Variants in AGBL3 observed in about 807,000 individuals in gnomAD.
The protein encoded by AGBL3 is cytosolic carboxypeptidase 3.
In AGBL3, 68 loss-of-function variants were observed where a neutral mutation model predicts 94.5. The ratio of observed to expected loss-of-function variants is 0.72; its 90% CI spans 0.59 to 0.88. AGBL3 has a LOEUF of 0.88. AGBL3 is among the 40% of genes least tolerant of loss of function. The pLI is 0.00. For synonymous variants in AGBL3, 354 were observed against 370.7 expected (o/e 0.95, Z 0.52); for missense variants, 934 against 1,103.8 (o/e 0.85, Z 2.18).
intron 16 of AGBL3, among the ~76,000 whole-genome samples, chr7:135,117,172 A>G (rs1193916071): frequency 1.3e-5 from 2 of 152,246 alleles, no homozygotes; most frequent in African/African-American, 2.4e-5. Flanking sequence ...TTTGATTTGC[A>G]TAATCTTTCT....
chr7:135,120,973 G>A (rs1204120938), intron 16 of AGBL3, among the ~76,000 whole-genome samples: 1 of 152,204 alleles, frequency 6.6e-6, no homozygotes, highest in Non-Finnish European at 1.5e-5. Flanking sequence ...GGAGGCCGAG[G>A]CAGGTGGATT....
At chr7:135,050,629 T>C (rs1817787588) in intron 11 of AGBL3, among the ~76,000 whole-genome samples, 1 of 152,046 alleles carries the variant, frequency 6.6e-6, no homozygotes, top group Admixed American at 6.6e-5. Flanking sequence ...TGTTATATCT[T>C]CCTAGTGGAT....
intron 15 of AGBL3, chr7:135,093,479 A>T (rs1822175687): frequency 6.6e-6 from 1 of 152,224 alleles, no homozygotes; most frequent in South Asian, 2.1e-4. Flanking sequence ...ACATTTAAAA[A>T]ATGAAATTAA....
chr7:135,122,186 C>G (rs1254462271), intron 16 of AGBL3, among the ~76,000 whole-genome samples: 1 of 152,234 alleles, frequency 6.6e-6, no homozygotes, highest in African/African-American at 2.4e-5. Context: ...CCAGGCTGTG[C>G]TTTTCCTCTG....
intron 4 of AGBL3, among the ~76,000 whole-genome samples, chr7:135,008,189 A>T (rs1311494253): frequency 6.6e-6 from 1 of 152,038 alleles, no homozygotes; most frequent in Non-Finnish European, 1.5e-5. Context: ...AAAAAGAAAA[A>T]AAAACTTAAG....
Position 134,996,918 on chromosome 7 carries a change from A to G in AGBL3, c.310+3240A>G, listed in dbSNP as rs75872895. Among the ~76,000 whole-genome samples, 127 of 152,272 alleles carry G rather than the reference A, an allele frequency of 8.3e-4. 4 individuals carry two copies. The South Asian group carries it at 0.012, about 15-fold the overall frequency. On this transcript the variant is annotated intron_variant, in intron 4 of 16. Transcript: ENST00000436302. ...TCATATTCAATAATTTGCTACAAAG[A>G]CTTGCAGAATTCAGAGAAGCCATTA...
chr7:135,017,513 A>C (rs1241696285), intron 5 of AGBL3, among the ~76,000 whole-genome samples: 2 of 152,208 alleles, frequency 1.3e-5, no homozygotes, highest in African/African-American at 4.8e-5. Flanking sequence ...GCATTCGTTC[A>C]GATGTTTTTC....
chr7:135,008,618 G>GAA (rs34573898), intron 4 of AGBL3, among the ~76,000 whole-genome samples: 11 of 143,908 alleles, frequency 7.6e-5, no homozygotes, highest in Non-Finnish European at 1.1e-4. Flanking sequence ...AGCAACAACT[G>GAA]AAAAAAAAAA....
intron 15 of AGBL3, among the ~76,000 whole-genome samples, chr7:135,105,586 T>A (rs1040875165): frequency 5.3e-5 from 8 of 152,246 alleles, no homozygotes; most frequent in Admixed American, 4.6e-4. Flanking sequence ...GTTCCATTGG[T>A]CTATGTGTCT....
chr7:135,030,593 T>C (rs1815627363), intron 5 of AGBL3, among the ~76,000 whole-genome samples: 2 of 152,192 alleles, frequency 1.3e-5, no homozygotes, highest in South Asian at 4.1e-4. Context: ...CTGAACTTTT[T>C]GGATCCATAG....
intron 2 of AGBL3, 193 bp downstream of exon 2, chr7:134,988,189 A>T: frequency 2.4e-6 from 1 of 415,102 alleles, no homozygotes; most frequent in Non-Finnish European, 4.3e-6. Flanking sequence ...TAGAAAGAGA[A>T]ACTATATTTG....
chr7:135,017,915 G>A (rs531281825), intron 5 of AGBL3, among the ~76,000 whole-genome samples: 1 of 152,254 alleles, frequency 6.6e-6, no homozygotes, highest in East Asian at 1.9e-4. Context: ...CAATTTGATT[G>A]TGAATATTTA....
At chr7:135,130,133 A>G (rs892022428) in intron 16 of AGBL3, among the ~76,000 whole-genome samples, 1 of 152,130 alleles carries the variant, frequency 6.6e-6, no homozygotes. Context: ...CCTTATGAAA[A>G]TTATACTGAG....
chr7:135,129,136 A>C, intron 16 of AGBL3: 2 of 1,514,672 alleles, frequency 1.3e-6, no homozygotes, highest in South Asian at 1.1e-5. Flanking sequence ...TTATTTGCCT[A>C]TTATGACTGC....
chr7:135,103,966 T>C (rs571073683), intron 15 of AGBL3, among the ~76,000 whole-genome samples: 2 of 152,284 alleles, frequency 1.3e-5, no homozygotes, highest in African/African-American at 4.8e-5. Context: ...GTACCCCATA[T>C]AGGTAAACTT....
chr7:134,987,791 A>G (rs1203578266), intron 1 of AGBL3, 84 bp from the exon 2 acceptor site: 7 of 620,792 alleles, frequency 1.1e-5, no homozygotes, highest in Non-Finnish European at 1.7e-5. Flanking sequence ...ACTGTTAAAT[A>G]CAATTGAATA....
intron 11 of AGBL3, among the ~76,000 whole-genome samples, chr7:135,048,395 A>G (rs1039876210): frequency 4.0e-5 from 6 of 151,838 alleles, no homozygotes; most frequent in African/African-American, 1.4e-4. Context: ...AAAGGGTGCC[A>G]TTGGGATTTT....
At chr7:135,118,886 G>T (rs1826711550) in intron 16 of AGBL3, among the ~76,000 whole-genome samples, 1 of 152,048 alleles carries the variant, frequency 6.6e-6, no homozygotes, top group Non-Finnish European at 1.5e-5. Context: ...AAGCTTAATG[G>T]CTGAGCAGAA....
chr7:135,057,470 T>TAA (rs1818443296), intron 11 of AGBL3, among the ~76,000 whole-genome samples: 1 of 152,106 alleles, frequency 6.6e-6, no homozygotes, highest in Admixed American at 6.5e-5. Context: ...AATTGCAGAC[T>TAA]AAAACAACAG....
Sources: allele counts gnomAD v4.1 joint callset (sites outside exome capture counted in the v4.1 genomes callset), GRCh38; gene constraint gnomAD v4.1.1; transcripts MANE v1.5; gene names NCBI Gene and HGNC (gene_info 2026-07-23, HGNC 2026-07-21).